RASGRF1: variants seen among roughly 807,000 people sequenced by gnomAD.
The protein encoded by RASGRF1 is Ras protein specific guanine nucleotide releasing factor 1.
Under a neutral mutation model 138.7 loss-of-function variants are expected in RASGRF1, and 40 were observed. The ratio of observed to expected loss-of-function variants is 0.29; its 90% CI spans 0.22 to 0.38. The LOEUF (loss-of-function observed/expected upper bound fraction) is 0.38, where lower values mean the gene tolerates loss of function less well. RASGRF1 is among the 10% of genes least tolerant of loss of function. The pLI, the probability that RASGRF1 is intolerant of heterozygous loss-of-function variation, is 1.00. For missense variants in RASGRF1, 1,108 were observed against 1,650.4 expected (o/e 0.67, Z 5.69); for synonymous variants, 614 against 663.2 (o/e 0.93, Z 1.14).
At chr15:78,988,469 C>A (rs929102308) in intron 22 of RASGRF1, among the ~76,000 whole-genome samples, 5 of 152,218 alleles carry the variant, frequency 3.3e-5, no homozygotes, top group Non-Finnish European at 5.9e-5. Context: ...AGTCTCCTTT[C>A]TGCTGCTGTG....
At chr15:78,975,651 C>T (rs1254432323) in intron 24 of RASGRF1, among the ~76,000 whole-genome samples, 6 of 152,066 alleles carry the variant, frequency 3.9e-5, no homozygotes, top group African/African-American at 7.2e-5. Context: ...AGCTGGACTA[C>T]ATGCATGCAC....
In RASGRF1 at chr15:79,032,082, C is replaced by T. The variant is rs764569311; in HGVS notation, c.1152+41G>A. 9 of 1,593,612 alleles carry T rather than the reference C, an allele frequency of 5.6e-6. No individual in the cohort carries two copies. In the East Asian group the frequency reaches 1.6e-4, roughly 28 times the overall value. ...CGCCATGGTCCATCCCCCACACCTG[C>T]CTCCCTGACTCTACCCCACCCAGGC... is the stretch of plus-strand genomic sequence containing the variant. On this transcript the variant is annotated intron_variant, in intron 7 of 26. Coordinates refer to ENST00000558480, the MANE Select transcript of RASGRF1 (RefSeq NM_001145648.3). The surrounding 1 kb of genome is among the most constrained non-coding windows in gnomAD (Gnocchi z 4.5).
At chr15:78,967,716 G>C (rs1211052944) in intron 26 of RASGRF1, among the ~76,000 whole-genome samples, 1 of 151,762 alleles carries the variant, frequency 6.6e-6, no homozygotes, top group African/African-American at 2.4e-5. Context: ...TTTTACTGTT[G>C]TCTGTTTTCC....
intron 13 of RASGRF1, among the ~76,000 whole-genome samples, chr15:79,014,926 AAAAAC>A (rs1261385063): frequency 5.8e-4 from 81 of 140,554 alleles, no homozygotes; most frequent in African/African-American, 2.3e-3. Flanking sequence ...CAAAAAAACA[AAAAAC>A]AAAAAACAAA....
At chr15:79,084,872 T>C (rs2057958856) in intron 1 of RASGRF1, among the ~76,000 whole-genome samples, 1 of 152,180 alleles carries the variant, frequency 6.6e-6, no homozygotes, top group South Asian at 2.1e-4. Flanking sequence ...CTGTCTTCTT[T>C]TCTGTTACAA....
At chr15:79,062,769 G>T (rs1413879041) in intron 2 of RASGRF1, among the ~76,000 whole-genome samples, 3 of 151,952 alleles carry the variant, frequency 2.0e-5, no homozygotes, top group Admixed American at 1.3e-4. Flanking sequence ...GTCTCCAACT[G>T]CTGACCTCAA....
chr15:79,065,696 G>C (rs1301090403), intron 1 of RASGRF1, among the ~76,000 whole-genome samples: 2 of 151,984 alleles, frequency 1.3e-5, no homozygotes, highest in Non-Finnish European at 2.9e-5. Flanking sequence ...GGTACAAAGA[G>C]GGGCCCTTAG....
At chr15:79,055,356 G>A (rs1051516896) in intron 3 of RASGRF1, among the ~76,000 whole-genome samples, 2 of 152,152 alleles carry the variant, frequency 1.3e-5, no homozygotes, top group African/African-American at 4.8e-5. Flanking sequence ...ACGTGTTTGT[G>A]CATATGTGTA....
chr15:79,082,192 T>A (rs2057922952), intron 1 of RASGRF1, among the ~76,000 whole-genome samples: 1 of 152,190 alleles, frequency 6.6e-6, no homozygotes, highest in Non-Finnish European at 1.5e-5. Context: ...GTGGCTACCA[T>A]TAGCACCATA....
At chr15:79,043,804 C>T (rs2057325898) in intron 5 of RASGRF1, among the ~76,000 whole-genome samples, 1 of 152,204 alleles carries the variant, frequency 6.6e-6, no homozygotes, top group South Asian at 2.1e-4. Flanking sequence ...GAAAGCATCA[C>T]AGTCATAGTG....
intron 15 of RASGRF1, among the ~76,000 whole-genome samples, chr15:79,003,538 G>C (rs899057321): frequency 6.6e-6 from 1 of 152,256 alleles, no homozygotes; most frequent in African/African-American, 2.4e-5. Flanking sequence ...AATTGCTCGT[G>C]ATGGGAACTG....
chr15:79,047,375 A>C (rs1567573571), intron 4 of RASGRF1, among the ~76,000 whole-genome samples: 1 of 152,196 alleles, frequency 6.6e-6, no homozygotes, highest in Non-Finnish European at 1.5e-5. Flanking sequence ...CATTCGCTGG[A>C]GGAGGAAAAA....
intron 3 of RASGRF1, among the ~76,000 whole-genome samples, chr15:79,055,364 G>A (rs2057496860): frequency 6.6e-6 from 1 of 152,178 alleles, no homozygotes; most frequent in Admixed American, 6.5e-5. Context: ...GTGCATATGT[G>A]TATGTGTGTG....
At chr15:79,028,036 G>C (rs570712138) in intron 8 of RASGRF1, among the ~76,000 whole-genome samples, 177 bp from the exon 9 acceptor site, 1 of 152,184 alleles carries the variant, frequency 6.6e-6, no homozygotes, top group South Asian at 2.1e-4. Context: ...GCTGCATGCC[G>C]GGCACTTCAT....
At chr15:79,014,787 C>T (rs983784867) in intron 13 of RASGRF1, among the ~76,000 whole-genome samples, 1 of 151,942 alleles carries the variant, frequency 6.6e-6, no homozygotes, top group African/African-American at 2.4e-5. Flanking sequence ...CATGGTGGCA[C>T]ACGCCTGTAG....
At chr15:79,004,417 C>A (rs558010688) in intron 14 of RASGRF1, among the ~76,000 whole-genome samples, 2 of 152,284 alleles carry the variant, frequency 1.3e-5, no homozygotes, top group East Asian at 3.9e-4. Flanking sequence ...TCCGCCCCCC[C>A]ACCCCCTCAG....
chr15:79,065,994 T>C (rs561903812), intron 1 of RASGRF1, among the ~76,000 whole-genome samples: 53 of 152,030 alleles, frequency 3.5e-4, no homozygotes, highest in African/African-American at 1.2e-3. Context: ...GTCTGTCTCT[T>C]GTTTCCTAGG....
intron 19 of RASGRF1, among the ~76,000 whole-genome samples, chr15:78,997,378 G>A (rs1248292546): frequency 6.6e-6 from 1 of 152,202 alleles, no homozygotes; most frequent in African/African-American, 2.4e-5. Flanking sequence ...TGAAGCTGAG[G>A]CTGCTGGGCT....
chr15:79,090,580 C>G lies in RASGRF1; in HGVS notation c.-82G>C. 1.3e-6 allele frequency: 2 copies of G among 1,553,884 alleles called. No homozygotes were observed. Among genetic ancestry groups the G allele is most frequent in the Non-Finnish European group, 1.7e-6 (2 of 1,150,556 alleles). ...CCCGTCCGTGCGCGCTGCGCGCTGC[C>G]TCTCTCTGGCGCTCGCTCGCTCGCT... On this transcript the variant is annotated 5_prime_UTR_variant, in exon 1 of 27. Coordinates refer to ENST00000558480, the MANE Select transcript of RASGRF1 (RefSeq NM_001145648.3).
Sources: allele counts gnomAD v4.1 joint callset (sites outside exome capture counted in the v4.1 genomes callset), GRCh38; gene constraint gnomAD v4.1.1; non-coding constraint Gnocchi (gnomAD v3.1); transcripts MANE v1.5; gene names NCBI Gene and HGNC (gene_info 2026-07-23, HGNC 2026-07-21).